SECISBP2: variants seen among roughly 807,000 people sequenced by gnomAD.
SECISBP2 encodes the protein SECIS binding protein 2.
SECISBP2 carries 96 observed loss-of-function variants against 98.2 expected under a neutral mutation model. The ratio of observed to expected loss-of-function variants is 0.98; its 90% CI spans 0.83 to 1.16. The LOEUF (loss-of-function observed/expected upper bound fraction) is 1.16, where lower values mean the gene tolerates loss of function less well. SECISBP2 is among the 50% of genes most tolerant of loss of function. SECISBP2 has a pLI of 0.00. For synonymous variants in SECISBP2, 407 were observed against 370.2 expected (o/e 1.10, Z -1.14); for missense variants, 1,046 against 1,022.9 (o/e 1.02, Z -0.31).
In SECISBP2 at chr9:89,325,919, A is replaced by T. The variant is rs759538840; in HGVS notation, c.455A>T (p.Lys152Ile). ...CAGAAGAAAACCTATGATGAGAAAA[A>T]AACGTATGATCAGCAAAAGTTTGAC... The part of the protein sequence containing the change: ...LFKKKTYDEK[K>I]TYDQQKFDSE... The change falls in exon 4 of 17, where the codon AAA becomes ATA. Residue 152 changes from lysine to isoleucine, a missense_variant. Transcript: ENST00000375807. 40 of 1,613,980 alleles carry T rather than the reference A, an allele frequency of 2.5e-5. No individual in the cohort carries two copies. The highest frequency in any genetic ancestry group is 3.3e-5 in the Admixed American group (2 of 60,012).
chr9:89,360,243 A>C (rs1474302268), downstream of SECISBP2, among the ~76,000 whole-genome samples: 1 of 152,154 alleles, frequency 6.6e-6, no homozygotes, highest in East Asian at 1.9e-4. Context: ...TTTATCTTTC[A>C]GGGCAGTCAG....
At chr9:89,363,943 T>C, downstream of SECISBP2, 6 of 1,614,034 alleles carry the variant, frequency 3.7e-6, no homozygotes, top group Non-Finnish European at 5.1e-6. Flanking sequence ...AGCGAATGTC[T>C]GCAGGACCTG....
Position 89,328,758 on chromosome 9 carries a change from GA to G in SECISBP2, c.675del (p.Glu225AspfsTer31). The G allele has an allele frequency of 6.2e-7, 1 of 1,614,220 alleles. No individual in the cohort carries two copies. The highest frequency in any genetic ancestry group is 8.5e-7 in the Non-Finnish European group (1 of 1,180,028). ...TGAATTTACCACACTGGACTTTCCTGAACTGCAAGGTGCAGAGAACAATATG... is the reference window on the plus strand; with the variant it reads ...TGAATTTACCACACTGGACTTTCCTGACTGCAAGGTGCAGAGAACAATATG... ...EFEFTTLDFP[E>X]LQGAENNMSE... On this transcript the variant is annotated frameshift_variant, in exon 5 of 17. Transcript: ENST00000375807. LOFTEE classifies it high-confidence loss of function.
Position 89,359,177 on chromosome 9 carries a change from GTT to G in SECISBP2, c.*355_*356del. On this transcript the variant is annotated 3_prime_UTR_variant, in exon 17 of 17. Transcript: ENST00000375807. ...CAGAATAGCTGAGCCAAGTGAGTGA[GTT>G]TGCAGAAAGCAGGTGGTGAGCTCCT... is the stretch of plus-strand genomic sequence containing the variant. 1 of 338,920 alleles carries G rather than the reference GTT, an allele frequency of 3.0e-6. No homozygotes were observed. The allele number at this position is 338,920 out of a possible 1,614,324, so 21.0% of individuals were successfully genotyped here.
chr9:89,363,480 C>G (rs1166094518), downstream of SECISBP2: 5 of 1,613,960 alleles, frequency 3.1e-6, no homozygotes, highest in Non-Finnish European at 4.2e-6. Context: ...CCAGCCACAG[C>G]CCTCCAGGCA....
At chr9:89,330,411 C>G (rs1471292115) in intron 5 of SECISBP2, 1 of 152,180 alleles carries the variant, frequency 6.6e-6, no homozygotes, top group Non-Finnish European at 1.5e-5. Flanking sequence ...GGAGTACATG[C>G]CAGTACGAAG....
In SECISBP2 at chr9:89,318,685, G is replaced by C. The variant is rs778636164; in HGVS notation, c.36+73G>C. 3 of 1,335,408 alleles carry C rather than the reference G, an allele frequency of 2.2e-6. No individual in the cohort carries two copies. The African/African-American group carries it at 4.7e-5, about 21-fold the overall frequency. The allele number at this position is 1,335,408 out of a possible 1,614,324, so 82.7% of individuals were successfully genotyped here. ...CCTCGCACTGGGGGCTCGGCCGGGCGGTGACGGGGCTGGTCCAGCGGGCGT... is the reference window on the plus strand; with the variant it reads ...CCTCGCACTGGGGGCTCGGCCGGGCCGTGACGGGGCTGGTCCAGCGGGCGT... On this transcript the variant is annotated intron_variant, in intron 1 of 16. Coordinates refer to ENST00000375807, the MANE Select transcript of SECISBP2 (RefSeq NM_024077.5).
rs774820237 is a variant in SECISBP2 at position 89,325,970 on chromosome 9, CAT to C, written c.507_508del (p.Ser170Ter). ...AGTGAAAGGGCTGATGGAACTATAT[CAT>C]CTGAGATAAAATCAGCTAGAGGTTC... On this transcript the variant is annotated frameshift_variant, in exon 4 of 17. Coordinates refer to ENST00000375807, the MANE Select transcript of SECISBP2 (RefSeq NM_024077.5). LOFTEE classifies it high-confidence loss of function. 6.2e-7 allele frequency: 1 copy of C among 1,613,862 alleles called. No individual in the cohort carries two copies. The highest frequency in any genetic ancestry group is 8.5e-7 in the Non-Finnish European group (1 of 1,179,872).
chr9:89,357,703 A>T, intron 15 of SECISBP2, 138 bp downstream of exon 15: 2 of 1,061,294 alleles, frequency 1.9e-6, no homozygotes, highest in Admixed American at 3.8e-5. Context: ...CCACTTAGGC[A>T]GAACCTTCTT....
chr9:89,363,569 C>T (rs1187792419), downstream of SECISBP2: 1 of 1,611,346 alleles, frequency 6.2e-7, no homozygotes, highest in Non-Finnish European at 8.5e-7. Context: ...CTCTGTGGGC[C>T]TTTATGGCAC....
intron 7 of SECISBP2, among the ~76,000 whole-genome samples, chr9:89,335,333 A>G (rs1448835851): frequency 6.6e-6 from 1 of 151,924 alleles, no homozygotes; most frequent in Non-Finnish European, 1.5e-5. Context: ...TTTCTGTGCC[A>G]CTGAATAGTC....
rs191705551 is a variant in SECISBP2 at position 89,359,529 on chromosome 9, A to G, written c.*705A>G. The G allele has an allele frequency of 1.0e-4, 16 of 152,500 alleles. No individual in the cohort carries two copies. Among genetic ancestry groups the G allele is most frequent in the African/African-American group, 2.9e-4 (12 of 41,576 alleles). The allele number at this position is 152,500 out of a possible 1,614,324, so 9.4% of individuals were successfully genotyped here. ...TAATCAACAAATCTTTCCTTTTTCAATGAACATATTCTGAATGTGGTTTCT... is the reference window on the plus strand; with the variant it reads ...TAATCAACAAATCTTTCCTTTTTCAGTGAACATATTCTGAATGTGGTTTCT... On this transcript the variant is annotated 3_prime_UTR_variant, in exon 17 of 17. Transcript: ENST00000375807.
chr9:89,325,154 A>G (rs2131587599), intron 2 of SECISBP2: 1 of 443,458 alleles, frequency 2.3e-6, no homozygotes, highest in South Asian at 2.2e-5. Context: ...CTTGGTAGCA[A>G]TTGGGTGAAA....
rs751766679 is a variant in SECISBP2 at position 89,348,225 on chromosome 9, C to T, written c.1738+11C>T. 6.2e-7 allele frequency: 1 copy of T among 1,613,850 alleles called. No homozygotes were observed. The highest frequency in any genetic ancestry group is 1.7e-5 in the Admixed American group (1 of 60,008). On this transcript the variant is annotated intron_variant, in intron 12 of 16. Coordinates refer to ENST00000375807, the MANE Select transcript of SECISBP2 (RefSeq NM_024077.5). ...AGGCAGAGCTGTCAGGTACCAACTT[C>T]TCTTTGTGCCTTAAGAATAATTTAA...
chr9:89,325,751 T>G, intron 3 of SECISBP2, 75 bp downstream of exon 3: 1 of 1,599,994 alleles, frequency 6.3e-7, no homozygotes, highest in Non-Finnish European at 8.6e-7. Flanking sequence ...AATGGTAAAT[T>G]TGTACATCAT....
rs1402752805 is a variant in SECISBP2 at position 89,349,896 on chromosome 9, C to T, written c.1859C>T (p.Thr620Ile). The change falls in exon 13 of 17, where the codon ACC becomes ATC. Residue 620 changes from threonine (T) to isoleucine (I), a missense_variant. By Grantham distance (89) the Thr-to-Ile change is moderately conservative. Transcript: ENST00000375807. ...EASHLAPNHTTFPKIHSRRFR... is the reference protein window; with the variant it reads ...EASHLAPNHTIFPKIHSRRFR... ...TCCCACCTTGCTCCCAATCACACCA[C>T]CTTCCCTAAGATCCACAGCCGCAGA... 1.9e-6 allele frequency: 3 copies of T among 1,614,116 alleles called. No individual in the cohort carries two copies. The highest frequency in any genetic ancestry group is 1.7e-5 in the Admixed American group (1 of 60,008).
At chr9:89,349,464 C>T (rs565215815) in intron 12 of SECISBP2, among the ~76,000 whole-genome samples, 3 of 152,142 alleles carry the variant, frequency 2.0e-5, no homozygotes, top group Non-Finnish European at 4.4e-5. Flanking sequence ...ATAAATTTGG[C>T]CACTGAACTG....
downstream of SECISBP2, chr9:89,363,966 G>A (rs751058606): frequency 1.3e-5 from 21 of 1,613,892 alleles, no homozygotes; most frequent in Middle Eastern, 1.6e-4. Flanking sequence ...GACACAGACC[G>A]TTTCCACCTC....
downstream of SECISBP2, among the ~76,000 whole-genome samples, chr9:89,363,158 C>T (rs1211542029): frequency 6.6e-6 from 1 of 152,232 alleles, no homozygotes; most frequent in Admixed American, 6.5e-5. Flanking sequence ...TCTAACTAGA[C>T]AGCCCCACCT....
Sources: allele counts gnomAD v4.1 joint callset (sites outside exome capture counted in the v4.1 genomes callset), GRCh38; gene constraint gnomAD v4.1.1; transcripts MANE v1.5; gene names NCBI Gene and HGNC (gene_info 2026-07-23, HGNC 2026-07-21).